The following ANK2 variants were observed in gnomAD, a reference collection of about 807,000 sequenced individuals.
ANK2 encodes ankyrin 2.
A neutral mutation model predicts 360.5 loss-of-function variants in ANK2; 83 were observed. The ratio of observed to expected loss-of-function variants is 0.23; its 90% CI spans 0.19 to 0.28. The LOEUF is 0.28. ANK2 is among the 10% of genes least tolerant of loss of function. The pLI is 1.00. For synonymous variants in ANK2, 1,740 were observed against 1,759.5 expected (o/e 0.99, Z 0.28); for missense variants, 4,201 against 4,795.7 (o/e 0.88, Z 3.66).
chr4:112,762,721 GC>G, the ANK2 span, among the ~76,000 whole-genome samples: 1 of 152,158 alleles, frequency 6.6e-6, no homozygotes, highest in African/African-American at 2.4e-5. Flanking sequence ...CGTTGGCCAG[GC>G]TGGTCTGGAA....
chr4:113,049,853 A>ATG, intron 1 of ANK2, 41 bp downstream of exon 1: 1 of 1,597,408 alleles, frequency 6.3e-7, no homozygotes, highest in Non-Finnish European at 8.6e-7. Flanking sequence ...ATAAATATGT[A>ATG]TGTGTGTGCA....
chr4:112,932,566 G>T (rs1355402194), intron 2 of ANK2, among the ~76,000 whole-genome samples: 1 of 150,414 alleles, frequency 6.6e-6, no homozygotes, highest in Non-Finnish European at 1.5e-5. Flanking sequence ...TCATTCTGCA[G>T]CTGTGACTTT....
intron 1 of ANK2, among the ~76,000 whole-genome samples, chr4:113,137,823 C>A (rs2096493822): frequency 6.6e-6 from 1 of 152,118 alleles, no homozygotes; most frequent in African/African-American, 2.4e-5. Flanking sequence ...AAAATGACAG[C>A]TGATAGTGTC....
chr4:113,078,524 T>A (rs920663624), intron 1 of ANK2, among the ~76,000 whole-genome samples: 1 of 152,232 alleles, frequency 6.6e-6, no homozygotes, highest in Non-Finnish European at 1.5e-5. Context: ...ATTATGATTT[T>A]TTTCCAAAAT....
rs564650497 is a variant in ANK2, at chr4:113,356,605, T to C, written c.7987T>C (p.Ser2663Pro). 6.2e-7 allele frequency: 1 copy of C among 1,614,072 alleles called. No homozygotes were observed. The highest frequency in any genetic ancestry group is 1.7e-5 in the Admixed American group (1 of 60,016). ...TTCGGAGAGCAGGAAGGTGTCTTCC[T>C]CCTCAGAAAGTGAACCTGAGTTGGC... ...VTSESRKVSS[S>P]SESEPELAQL... is the part of the protein sequence containing the mutation. Residue 2663 changes from serine (S) to proline (P), a missense_variant, in exon 38 of 46, where the codon TCC becomes CCC. Transcript: ENST00000357077.
the ANK2 span, among the ~76,000 whole-genome samples, chr4:112,730,867 G>A: frequency 1.1e-4 from 16 of 151,198 alleles, no homozygotes; most frequent in East Asian, 1.6e-3. Context: ...AAGAGCAGGC[G>A]CGGTGGCTAC....
intron 4 of ANK2, chr4:113,213,972 T>TA (rs1436721420): frequency 1.2e-5 from 7 of 583,256 alleles, no homozygotes; most frequent in Admixed American, 6.8e-5. Context: ...TTTTTTATTT[T>TA]TTTTTTAAGT....
intron 2 of ANK2, among the ~76,000 whole-genome samples, chr4:112,978,246 G>GA (rs1037611416): frequency 1.1e-3 from 156 of 141,390 alleles, no homozygotes; most frequent in African/African-American, 2.2e-3. Context: ...TCTGTCTCAA[G>GA]AAAAAAAAAA....
intron 1 of ANK2, among the ~76,000 whole-genome samples, chr4:113,078,351 G>T (rs2080966022): frequency 6.6e-6 from 1 of 152,186 alleles, no homozygotes; most frequent in Non-Finnish European, 1.5e-5. Flanking sequence ...GGCAGAAGCA[G>T]CTCTTCCAGA....
chr4:113,076,117 T>C (rs2079843901), intron 1 of ANK2, among the ~76,000 whole-genome samples: 1 of 152,210 alleles, frequency 6.6e-6, no homozygotes. Flanking sequence ...GGGTATCCAA[T>C]CTTTTGGCTT....
chr4:112,970,352 AT>A (rs1448592810), intron 2 of ANK2, among the ~76,000 whole-genome samples: 1 of 151,672 alleles, frequency 6.6e-6, no homozygotes, highest in Non-Finnish European at 1.5e-5. Flanking sequence ...TAACTAATTA[AT>A]TAATTAATTA....
intron 1 of ANK2, among the ~76,000 whole-genome samples, chr4:113,148,030 C>T (rs2154393036): frequency 6.6e-6 from 1 of 152,302 alleles, no homozygotes; most frequent in African/African-American, 2.4e-5. Flanking sequence ...AGAAGCAGCT[C>T]TTGGAGATGC....
the ANK2 span, among the ~76,000 whole-genome samples, chr4:112,717,199 A>G: frequency 2.0e-5 from 3 of 152,160 alleles, no homozygotes; most frequent in Non-Finnish European, 4.4e-5. Flanking sequence ...AAATCCATTA[A>G]CCTTTATTCT....
At chr4:113,007,292 A>G (rs1532877) in intron 2 of ANK2, among the ~76,000 whole-genome samples, 86,341 of 152,012 alleles carry the variant, frequency 0.57, 26,191 homozygotes, top group Non-Finnish European at 0.69. Flanking sequence ...GCTTTTCAGA[A>G]TGGCGTTTTC....
chr4:112,798,923 C>T, the ANK2 span, among the ~76,000 whole-genome samples: 1 of 152,154 alleles, frequency 6.6e-6, no homozygotes, highest in South Asian at 2.1e-4. Flanking sequence ...CTATCTGTCT[C>T]CAGATCTTTT....
chr4:113,017,610 G>T (rs989562172), intron 2 of ANK2, among the ~76,000 whole-genome samples: 4 of 152,096 alleles, frequency 2.6e-5, no homozygotes, highest in African/African-American at 7.2e-5. Flanking sequence ...ATATTATTTG[G>T]GTTCCATCCA....
intron 2 of ANK2, among the ~76,000 whole-genome samples, chr4:113,192,497 C>G (rs1211535053): frequency 2.0e-5 from 3 of 152,054 alleles, no homozygotes; most frequent in Non-Finnish European, 2.9e-5. Flanking sequence ...ATTTATGACC[C>G]GTTTATGCAT....
At chr4:113,240,626 A>C in intron 8 of ANK2, 43 bp downstream of exon 8, 1 of 1,516,002 alleles carries the variant, frequency 6.6e-7, no homozygotes, top group Non-Finnish European at 9.2e-7. Flanking sequence ...GCAGTAAATG[A>C]ATATTTTAAT....
At chr4:112,709,341 C>T in the ANK2 span, among the ~76,000 whole-genome samples, 19 of 152,100 alleles carry the variant, frequency 1.2e-4, no homozygotes, top group African/African-American at 4.6e-4. Context: ...GGTTGTTTTG[C>T]AATAGTTTGT....
Sources: gnomAD v4.1 joint callset for allele counts (sites outside exome capture counted in the v4.1 genomes callset) on GRCh38, gnomAD v4.1.1 for gene constraint, MANE v1.5 for transcripts, NCBI Gene and HGNC (gene_info 2026-07-23, HGNC 2026-07-21) for gene names.